Variants in DMD observed in about 807,000 individuals in gnomAD.
DMD encodes mutant dystrophin.
DMD carries 63 observed loss-of-function variants against 330.1 expected under a neutral mutation model. That is an observed-to-expected ratio of 0.19 (90% CI 0.16 to 0.24). The LOEUF (loss-of-function observed/expected upper bound fraction) is 0.24, where lower values mean the gene tolerates loss of function less well. Among genes scored for constraint, DMD ranks in the 10% least tolerant of loss-of-function variants. DMD has a pLI of 1.00. For synonymous variants in DMD, 1,223 were observed against 959.8 expected, an observed-to-expected ratio of 1.27 and a Z score of -5.07; for missense variants, 3,344 against 2,684.1, an observed-to-expected ratio of 1.25 and a Z score of -5.43.
chrX:31,228,100 A>C (rs1263662287), intron 63 of DMD, among the ~76,000 whole-genome samples: 2 of 94,068 alleles, frequency 2.1e-5, no homozygotes, highest in Non-Finnish European at 4.1e-5. Flanking sequence ...CACTCTGGGG[A>C]CTGTGGTGGG....
chrX:33,289,983 AT>A lies in DMD; in HGVS notation c.7+49275del, dbSNP rs200823818. ...CTTACTGAACAAGTCCACTTCAAAC[AT>A]AACATGACATGAATAAAAAACAAAA... On this transcript the variant is annotated intron_variant, in intron 1 of 17. Transcript: ENST00000288447. Among the ~76,000 whole-genome samples, 76 of 111,850 alleles carry A rather than the reference AT, an allele frequency of 6.8e-4. No individual in the cohort carries two copies. In the East Asian group the frequency reaches 0.02, roughly 30 times the overall value.
intron 1 of DMD, among the ~76,000 whole-genome samples, chrX:33,062,892 A>G (rs1289496863): frequency 8.9e-6 from 1 of 112,360 alleles, no homozygotes; most frequent in Admixed American, 9.5e-5. Context: ...CAATAAACAT[A>G]TGACATATCT....
intron 1 of DMD, among the ~76,000 whole-genome samples, chrX:33,162,848 G>A (rs1187939303): frequency 9.1e-6 from 1 of 110,088 alleles, no homozygotes; most frequent in Non-Finnish European, 1.9e-5. Flanking sequence ...TTCATATCAT[G>A]TGATTGTGCT....
At chrX:31,353,967 C>A (rs964810736) in intron 60 of DMD, among the ~76,000 whole-genome samples, 2 of 111,759 alleles carry the variant, frequency 1.8e-5, no homozygotes, top group Non-Finnish European at 1.9e-5. Flanking sequence ...AGCATACATC[C>A]TGTTTCAACT....
intron 51 of DMD, among the ~76,000 whole-genome samples, chrX:31,758,247 C>G (rs1005713471): frequency 2.7e-5 from 3 of 111,349 alleles, no homozygotes; most frequent in Non-Finnish European, 5.6e-5. Flanking sequence ...GCTCCTTTAT[C>G]AAGTACTTGG....
intron 49 of DMD, among the ~76,000 whole-genome samples, chrX:31,833,293 G>GAGAGAGAGAGAGAGAGAGA (rs1569464426): frequency 7.2e-5 from 1 of 13,984 alleles, no homozygotes; most frequent in Non-Finnish European, 1.1e-4. Flanking sequence ...AGAGAGAGAG[G>GAGAGAGAGAGAGAGAGAGA]GAGAGAGGGA....
chrX:32,542,320 C>A (rs1006867224), intron 17 of DMD, among the ~76,000 whole-genome samples: 6 of 111,521 alleles, frequency 5.4e-5, no homozygotes, highest in Non-Finnish European at 1.1e-4. Context: ...GTAATTCCAG[C>A]TACTCGGGAG....
At chrX:33,051,063 C>T (rs2094449683) in intron 1 of DMD, among the ~76,000 whole-genome samples, 2 of 111,862 alleles carry the variant, frequency 1.8e-5, no homozygotes, top group Admixed American at 1.9e-4. Flanking sequence ...AATCCACTTA[C>T]ACTTTACACC....
chrX:31,527,048 G>A (rs12840335), intron 55 of DMD, among the ~76,000 whole-genome samples: 1 of 111,316 alleles, frequency 9.0e-6, no homozygotes, highest in African/African-American at 3.3e-5. Context: ...CAGGGATGTC[G>A]AAGTTGCAGT....
chrX:32,511,535 A>G (rs1328304311), intron 18 of DMD, among the ~76,000 whole-genome samples: 14 of 107,186 alleles, frequency 1.3e-4, no homozygotes, highest in East Asian at 2.9e-4. Context: ...AAAAAAAAAA[A>G]AAAAAAAAAA....
intron 2 of DMD, among the ~76,000 whole-genome samples, chrX:32,926,189 G>A (rs901322334): frequency 1.8e-5 from 2 of 112,054 alleles, no homozygotes; most frequent in Admixed American, 9.5e-5. Context: ...AGTGCAATAA[G>A]CCAGGCACAG....
chrX:32,235,083 A>G (rs1291516672), intron 43 of DMD, among the ~76,000 whole-genome samples: 1 of 111,451 alleles, frequency 9.0e-6, no homozygotes, highest in Non-Finnish European at 1.9e-5. Context: ...CATTACAGTT[A>G]TTGCACACAT....
chrX:31,623,812 C>A (rs1385511523), intron 55 of DMD, among the ~76,000 whole-genome samples: 3 of 110,882 alleles, frequency 2.7e-5, no homozygotes, highest in Non-Finnish European at 3.8e-5. Flanking sequence ...CTTAGTTTGT[C>A]TTGCTGAGAA....
rs190263869 is a variant in DMD, at chrX:32,743,285, C to T, written c.650-43992G>A. Among the ~76,000 whole-genome samples the T allele has an allele frequency of 3.4e-3, 375 of 111,195 alleles. 5 individuals carry two copies. The highest frequency in any genetic ancestry group is 0.026 in the Admixed American group (270 of 10,396). On this transcript the variant is annotated intron_variant, in intron 7 of 78. Transcript: ENST00000357033. ...TCTTCAAGTCCCCAGTCAAATTGAG[C>T]GCCAGTTGTCCACCACAGTTTAAAC...
rs184038830 is a variant in DMD, at chrX:33,304,115, G to A, written c.7+35144C>T. Among the ~76,000 whole-genome samples, 354 of 110,465 alleles carry A rather than the reference G, an allele frequency of 3.2e-3. 1 individual carries two copies. Among genetic ancestry groups the A allele is most frequent in the Middle Eastern group, 0.014 (3 of 212 alleles). ...TTATATTTTAGATTTGCTTGTAACG[G>A]TCACCAATATGTAAACAGATTCTCT... is the stretch of plus-strand genomic sequence containing the variant. On this transcript the variant is annotated intron_variant, in intron 1 of 17. Transcript: ENST00000288447.
rs777504092 is a variant in DMD at position 31,121,907 on chromosome X, G to A, written c.*12C>T. 2.5e-6 allele frequency: 3 copies of A among 1,205,624 alleles called. No homozygotes were observed. The South Asian group carries it at 5.3e-5, about 21-fold the overall frequency. ...GCTCTGCCCAAATCATCTGCCATGTGGAAAAGACTTCCTACATTGTGTCCT... is the reference window on the plus strand; with the variant it reads ...GCTCTGCCCAAATCATCTGCCATGTAGAAAAGACTTCCTACATTGTGTCCT... On this transcript the variant is annotated 3_prime_UTR_variant, in exon 79 of 79. Transcript: ENST00000357033.
At chrX:32,831,649 CGTGT>C (rs6151283) in intron 4 of DMD, among the ~76,000 whole-genome samples, 4,722 of 89,602 alleles carry the variant, frequency 0.053, 156 homozygotes, top group East Asian at 0.16. Flanking sequence ...AAGATATTTA[CGTGT>C]GTGTGTGTGT....
chrX:32,251,676 A>G (rs1398405472), intron 43 of DMD, among the ~76,000 whole-genome samples: 1 of 111,843 alleles, frequency 8.9e-6, no homozygotes, highest in African/African-American at 3.3e-5. Context: ...AACAATGATT[A>G]TGTCACTACC....
chrX:31,666,994 C>T (rs760233803), intron 53 of DMD, among the ~76,000 whole-genome samples: 8 of 112,088 alleles, frequency 7.1e-5, no homozygotes, highest in Non-Finnish European at 1.5e-4. Context: ...ATAAAATTCT[C>T]CCACTTAAAG....
Sources: allele counts gnomAD v4.1 joint callset (sites outside exome capture counted in the v4.1 genomes callset), GRCh38; gene constraint gnomAD v4.1.1; transcripts MANE v1.5; gene names NCBI Gene and HGNC (gene_info 2026-07-23, HGNC 2026-07-21).